The following SMC4 variants were observed in gnomAD, a reference collection of about 807,000 sequenced individuals.
SMC4 encodes the protein structural maintenance of chromosomes 4, also known as structural maintenance of chromosomes protein 4.
A neutral mutation model predicts 145.6 loss-of-function variants in SMC4; 87 were observed. The ratio of observed to expected loss-of-function variants is 0.60; its 90% CI spans 0.50 to 0.71. The LOEUF (loss-of-function observed/expected upper bound fraction) is 0.71. SMC4 is among the 30% of genes least tolerant of loss of function. SMC4 has a pLI of 0.00. For missense variants in SMC4, 1,447 were observed against 1,537.1 expected, an observed-to-expected ratio of 0.94 and a Z score of 0.98; for synonymous variants, 558 against 500.7, an observed-to-expected ratio of 1.11 and a Z score of -1.53.
chr3:160,418,202 T>G (rs1170189240), intron 11 of SMC4, among the ~76,000 whole-genome samples: 1 of 152,122 alleles, frequency 6.6e-6, no homozygotes, highest in Non-Finnish European at 1.5e-5. Context: ...TAGAAATAAT[T>G]TAAACAAAAG....
intron 8 of SMC4, 137 bp from the exon 9 acceptor site, chr3:160,414,230 G>T: frequency 2.7e-6 from 2 of 739,112 alleles, no homozygotes; most frequent in South Asian, 1.4e-5. Flanking sequence ...GGATCATCTT[G>T]GAATAAGGAG....
intron 4 of SMC4, among the ~76,000 whole-genome samples, chr3:160,403,150 T>A (rs1453842454): frequency 6.6e-6 from 1 of 152,196 alleles, no homozygotes; most frequent in African/African-American, 2.4e-5. Context: ...ATTATTTTAC[T>A]ATAAATATTC....
At chr3:160,430,481 A>C in intron 18 of SMC4, 118 bp from the exon 19 acceptor site, 7 of 950,600 alleles carry the variant, frequency 7.4e-6, no homozygotes, top group Non-Finnish European at 1.1e-5. Context: ...CATAAACTTA[A>C]AAATATATGA....
chr3:160,415,378 A>G (rs185674749), intron 9 of SMC4, among the ~76,000 whole-genome samples: 11 of 152,318 alleles, frequency 7.2e-5, no homozygotes, highest in Admixed American at 3.3e-4. Flanking sequence ...GAGAGATAGG[A>G]AAGCTCATAA....
intron 18 of SMC4, among the ~76,000 whole-genome samples, chr3:160,429,447 A>G (rs1008436972): frequency 2.0e-5 from 3 of 151,898 alleles, no homozygotes; most frequent in Non-Finnish European, 2.9e-5. Context: ...AGGCTCAGGC[A>G]GTCCTCCCAC....
At chr3:160,414,315 TA>T in intron 8 of SMC4, 51 bp from the exon 9 acceptor site, 1 of 1,460,448 alleles carries the variant, frequency 6.8e-7, no homozygotes, top group Non-Finnish European at 9.6e-7. Flanking sequence ...AATGTGGTTT[TA>T]AAATATGTGC....
chr3:160,412,683 A>C (rs193278662), intron 7 of SMC4: 2 of 848,902 alleles, frequency 2.4e-6, no homozygotes, highest in Admixed American at 4.8e-5. Context: ...GCAACATAGC[A>C]AGACCCCATC....
Position 160,414,402 on chromosome 3 carries a change from A to G in SMC4, c.1157A>G (p.Asn386Ser). ...LNKITKFIEE[N>S]KEKFTQLDLE... ...AAAATTACAAAATTTATTGAGGAGA[A>G]TAAAGAAAAATTTACACAGCTAGAT... is the stretch of plus-strand genomic sequence containing the variant. Residue 386 changes from asparagine (N) to serine (S), a missense_variant, in exon 9 of 24, where the codon AAT becomes AGT. Asn to Ser is a conservative substitution (Grantham distance 46, BLOSUM62 1). Transcript: ENST00000357388. 1 of 1,607,786 alleles carries G rather than the reference A, an allele frequency of 6.2e-7. No homozygotes were observed. Among genetic ancestry groups the G allele is most frequent in the Non-Finnish European group, 8.5e-7 (1 of 1,176,134 alleles).
chr3:160,425,957 CCTCTTCCTATTAGTGTGTGTCTTTTTCTT>C (rs1461954845), intron 16 of SMC4, 88 bp from the exon 17 acceptor site: 11 of 736,378 alleles, frequency 1.5e-5, no homozygotes, highest in Non-Finnish European at 2.2e-5. Flanking sequence ...ACATATCTTT[CCTCTTCCTATTAGTGTGTGTCTTTTTCTT>C]GAAGATTTTA....
At chr3:160,424,841 GCT>G (rs1717598967) in intron 15 of SMC4, 24 bp from the exon 16 acceptor site, 1 of 1,611,876 alleles carries the variant, frequency 6.2e-7, no homozygotes. Flanking sequence ...ATCTGAAATG[GCT>G]CTTAGAGAAA....
chr3:160,400,857 G>C lies in SMC4; in HGVS notation c.31G>C (p.Ala11Pro), dbSNP rs769838561. The C allele has an allele frequency of 2.6e-6, 4 of 1,534,800 alleles. No homozygotes were observed. The highest frequency in any genetic ancestry group is 2.7e-5 in the East Asian group (1 of 37,560). MPRKGTQPSTARRREEGPPPP... is the reference protein window; with the variant it reads MPRKGTQPSTPRRREEGPPPP... ...CCGTAAAGGCACCCAGCCCTCCACT[G>C]CCCGGCGCAGAGAGGAAGGGCCGCC... Residue 11 changes from alanine (A) to proline (P), a missense_variant, in exon 2 of 24, where the codon GCC becomes CCC. Coordinates refer to ENST00000357388, the MANE Select transcript of SMC4 (RefSeq NM_001002800.3).
At chr3:160,410,555 T>C (rs916600839) in intron 5 of SMC4, among the ~76,000 whole-genome samples, 2 of 152,258 alleles carry the variant, frequency 1.3e-5, no homozygotes, top group African/African-American at 4.8e-5. Context: ...TACCGATTCA[T>C]ACATAATATA....
rs970197318 is a variant in SMC4, at chr3:160,434,415, A to C, written c.*606A>C. 5 of 152,326 alleles carry C rather than the reference A, an allele frequency of 3.3e-5. No individual in the cohort carries two copies. Among genetic ancestry groups the C allele is most frequent in the Admixed American group, 1.3e-4 (2 of 15,304 alleles). 9.4% of individuals were successfully genotyped at this position (152,326 alleles called of 1,614,324 possible). The stretch of plus-strand genomic sequence containing the variant: ...CCTAGGCTATCTCGTAAGTTGAAAA[A>C]TATCCCACTATAGTTGCTTCATGAG... On this transcript the variant is annotated 3_prime_UTR_variant, in exon 24 of 24. Coordinates refer to ENST00000357388, the MANE Select transcript of SMC4 (RefSeq NM_001002800.3).
intron 17 of SMC4, 26 bp from the exon 18 acceptor site, chr3:160,428,726 AT>A: frequency 6.4e-7 from 1 of 1,555,310 alleles, no homozygotes; most frequent in Non-Finnish European, 8.6e-7. Flanking sequence ...AAAAACACAA[AT>A]TAGGTTCTTT....
intron 12 of SMC4, 188 bp from the exon 13 acceptor site, chr3:160,420,552 A>G: frequency 2.1e-6 from 1 of 483,120 alleles, no homozygotes; most frequent in Non-Finnish European, 3.6e-6. Flanking sequence ...TTTTGTGCTC[A>G]TTAGAAATTC....
intron 23 of SMC4, 113 bp downstream of exon 23, chr3:160,433,322 T>A (rs1718621015): frequency 8.7e-6 from 6 of 692,306 alleles, no homozygotes; most frequent in Non-Finnish European, 1.2e-5. Flanking sequence ...GTCTAATAAC[T>A]CCATCTCCAT....
At position 160,423,539 on chromosome 3, in the gene SMC4, T is replaced by G. The variant is rs1560008027; in HGVS notation, c.2134T>G (p.Leu712Val). 1 of 1,613,918 alleles carries G rather than the reference T, an allele frequency of 6.2e-7. No homozygotes were observed. Among genetic ancestry groups the G allele is most frequent in the Non-Finnish European group, 8.5e-7 (1 of 1,179,916 alleles). Residue 712 changes from leucine to valine, a missense_variant, in exon 14 of 24, where the codon TTA becomes GTA. By Grantham distance (32) the Leu-to-Val change is conservative (BLOSUM62 1). Transcript: ENST00000357388. ...AATTCGCCAAGCTTTTTATTTTGCT[T>G]TACGAGATACCTTAGTAGCTGACAA... is the stretch of plus-strand genomic sequence containing the variant. ...EKIRQAFYFA[L>V]RDTLVADNLD...
intron 5 of SMC4, among the ~76,000 whole-genome samples, chr3:160,405,100 C>T (rs1362423908): frequency 2.0e-5 from 3 of 151,984 alleles, no homozygotes; most frequent in Non-Finnish European, 4.4e-5. Flanking sequence ...GGTGGAACCA[C>T]TACTACTGAA....
At chr3:160,416,025 A>G (rs1716540221) in intron 9 of SMC4, among the ~76,000 whole-genome samples, 1 of 152,228 alleles carries the variant, frequency 6.6e-6, no homozygotes, top group Non-Finnish European at 1.5e-5. Flanking sequence ...GTTTTCCTTC[A>G]TAAGAGGTCA....
Sources: allele counts gnomAD v4.1 joint callset (sites outside exome capture counted in the v4.1 genomes callset), GRCh38; gene constraint gnomAD v4.1.1; transcripts MANE v1.5; gene names NCBI Gene and HGNC (gene_info 2026-07-23, HGNC 2026-07-21).